Variants in CFAP96 observed in about 807,000 individuals in gnomAD.
The protein encoded by CFAP96 is cilia and flagella associated protein 96, also known as cilia-and flagella-associated protein 96.
chr4:185,435,959 C>G, the CFAP96 span: 1 of 1,046,026 alleles, frequency 9.6e-7, no homozygotes, highest in Non-Finnish European at 1.3e-6. Flanking sequence ...CTCTTTTTTT[C>G]AATCTGTTTA....
chr4:185,433,795 G>T, the CFAP96 span, among the ~76,000 whole-genome samples: 1 of 151,974 alleles, frequency 6.6e-6, no homozygotes, highest in Non-Finnish European at 1.5e-5. Context: ...CCAGCTACTC[G>T]GGAGGCTGAG....
At chr4:185,412,865 C>G in the CFAP96 span, among the ~76,000 whole-genome samples, 14 of 152,220 alleles carry the variant, frequency 9.2e-5, no homozygotes, top group South Asian at 1.0e-3. Flanking sequence ...TTATAAGGTC[C>G]TTTCTCACTG....
At chr4:185,408,485 C>T in the CFAP96 span, 1 of 1,528,454 alleles carries the variant, frequency 6.5e-7, no homozygotes, top group Non-Finnish European at 9.0e-7. Flanking sequence ...GATAGAAGTA[C>T]ATATTCTATA....
chr4:185,409,351 T>C, the CFAP96 span, among the ~76,000 whole-genome samples: 1 of 152,194 alleles, frequency 6.6e-6, no homozygotes, highest in Non-Finnish European at 1.5e-5. Context: ...ATTAAAGAAC[T>C]GGGTTTTTGT....
At chr4:185,445,102 GA>G in the CFAP96 span, 13 of 1,551,578 alleles carry the variant, frequency 8.4e-6, no homozygotes, top group Non-Finnish European at 1.1e-5. Flanking sequence ...CAGACCAGTT[GA>G]AAGTATAATG....
At chr4:185,417,696 A>G in the CFAP96 span, among the ~76,000 whole-genome samples, 11 of 152,102 alleles carry the variant, frequency 7.2e-5, no homozygotes, top group Admixed American at 3.3e-4. Context: ...TCTATCTTCA[A>G]TATCTGTTAA....
At chr4:185,426,256 A>G in the CFAP96 span, 1 of 220,760 alleles carries the variant, frequency 4.5e-6, no homozygotes, top group East Asian at 1.1e-4. Context: ...GAACGTGCAG[A>G]GGCGCTGCGC....
At chr4:185,441,386 TATAAG>T in the CFAP96 span, among the ~76,000 whole-genome samples, 1 of 132,086 alleles carries the variant, frequency 7.6e-6, no homozygotes, top group African/African-American at 3.3e-5. Context: ...TAAGATATCT[TATAAG>T]ATCTCTTCAT....
chr4:185,416,276 G>A, the CFAP96 span, among the ~76,000 whole-genome samples: 4 of 152,218 alleles, frequency 2.6e-5, no homozygotes, highest in African/African-American at 7.2e-5. Context: ...ACTGGGGTTC[G>A]TTACATGATT....
the CFAP96 span, among the ~76,000 whole-genome samples, chr4:185,427,684 C>T: frequency 0.023 from 3,352 of 143,872 alleles, 91 homozygotes; most frequent in South Asian, 0.039. Context: ...TCCTTGAACC[C>T]AGGAGGCGGA....
the CFAP96 span, among the ~76,000 whole-genome samples, chr4:185,412,096 C>T: frequency 6.6e-6 from 1 of 151,036 alleles, no homozygotes. Flanking sequence ...TAGGGAGGAG[C>T]TCCCTGGTAT....
At chr4:185,417,096 A>C in the CFAP96 span, among the ~76,000 whole-genome samples, 55 of 150,352 alleles carry the variant, frequency 3.7e-4, no homozygotes, top group African/African-American at 1.2e-3. Context: ...TAAGTAAGTG[A>C]AGTTAACCTC....
the CFAP96 span, among the ~76,000 whole-genome samples, chr4:185,448,783 G>T: frequency 6.6e-6 from 1 of 152,124 alleles, no homozygotes; most frequent in Non-Finnish European, 1.5e-5. Context: ...TTTGTGTGTG[G>T]GAAGGGGGCA....
At chr4:185,443,921 CTTTTTTTTTTTTTTTTTTTTTTTT>C in the CFAP96 span, among the ~76,000 whole-genome samples, 45 of 82,854 alleles carry the variant, frequency 5.4e-4, 1 homozygote, top group South Asian at 2.6e-3. Flanking sequence ...CTATATCTTT[CTTTTTTTTTTTTTTTTTTTTTTTT>C]TTTTTTTTTT....
chr4:185,440,010 G>C, the CFAP96 span, among the ~76,000 whole-genome samples: 6 of 147,516 alleles, frequency 4.1e-5, no homozygotes, highest in South Asian at 6.3e-4. Flanking sequence ...ATGAGATATA[G>C]ATAATCTCAT....
At chr4:185,413,973 G>A in the CFAP96 span, 1 of 1,069,340 alleles carries the variant, frequency 9.4e-7, no homozygotes, top group Non-Finnish European at 1.3e-6. Context: ...TTATATATAG[G>A]TTATAAAAGT....
At chr4:185,409,235 T>C in the CFAP96 span, among the ~76,000 whole-genome samples, 1 of 152,322 alleles carries the variant, frequency 6.6e-6, no homozygotes, top group East Asian at 1.9e-4. Flanking sequence ...AGCCCAAGTA[T>C]GTTATTTGAT....
At chr4:185,432,170 G>A in the CFAP96 span, 1 of 1,551,754 alleles carries the variant, frequency 6.4e-7, no homozygotes, top group South Asian at 1.2e-5. Flanking sequence ...TCTAGGCAAA[G>A]CATTCCTCCC....
the CFAP96 span, among the ~76,000 whole-genome samples, chr4:185,433,731 G>T: frequency 6.6e-6 from 1 of 151,386 alleles, no homozygotes; most frequent in Non-Finnish European, 1.5e-5. Flanking sequence ...GCGAAACCCC[G>T]TCTCTACTAA....
Sources: allele counts gnomAD v4.1 joint callset (sites outside exome capture counted in the v4.1 genomes callset), GRCh38; gene constraint gnomAD v4.1.1; transcripts MANE v1.5; gene names NCBI Gene and HGNC (gene_info 2026-07-23, HGNC 2026-07-21).